ARHGEF28: variants seen among roughly 807,000 people sequenced by gnomAD.
The protein encoded by ARHGEF28 is Rho guanine nucleotide exchange factor 28, also known as 190 kDa guanine nucleotide exchange factor.
In ARHGEF28, 152 loss-of-function variants were observed where a neutral mutation model predicts 206.6. The observed-to-expected ratio is 0.74, with a 90% CI of 0.64 to 0.84. The LOEUF (loss-of-function observed/expected upper bound fraction) is 0.84, where lower values mean the gene tolerates loss of function less well. Ranked by LOEUF, ARHGEF28 falls within the 40% of genes least tolerant of loss-of-function variation. ARHGEF28 has a pLI of 0.00. For synonymous variants in ARHGEF28, 763 were observed against 776.4 expected (o/e 0.98, Z 0.29); for missense variants, 2,028 against 2,073.2 (o/e 0.98, Z 0.42).
intron 21 of ARHGEF28, among the ~76,000 whole-genome samples, chr5:73,872,723 C>G (rs1760182980): frequency 6.6e-6 from 1 of 152,116 alleles, no homozygotes; most frequent in Non-Finnish European, 1.5e-5. Flanking sequence ...TCTAAAGATG[C>G]TAGCTAGTTA....
chr5:73,893,652 A>C (rs1164822254), intron 28 of ARHGEF28, among the ~76,000 whole-genome samples: 1 of 152,166 alleles, frequency 6.6e-6, no homozygotes, highest in Admixed American at 6.5e-5. Context: ...CCCAGTTTGC[A>C]AGTGTGTGAA....
At chr5:73,923,091 C>T in intron 35 of ARHGEF28, 2 of 1,535,528 alleles carry the variant, frequency 1.3e-6, no homozygotes, top group Non-Finnish European at 1.7e-6. Flanking sequence ...ATTCAGGCTC[C>T]AGTATGACAA....
intron 1 of ARHGEF28, among the ~76,000 whole-genome samples, chr5:73,630,568 G>C (rs1743306107): frequency 6.6e-6 from 1 of 152,332 alleles, no homozygotes; most frequent in East Asian, 1.9e-4. Context: ...AAGGGTAGCA[G>C]GTTTTTCAGC....
At chr5:73,858,636 A>G (rs1382917087) in intron 16 of ARHGEF28, among the ~76,000 whole-genome samples, 6 of 152,162 alleles carry the variant, frequency 3.9e-5, no homozygotes, top group Non-Finnish European at 8.8e-5. Flanking sequence ...CTATTTTCAG[A>G]AAACATATAA....
chr5:73,792,932 C>G (rs1222043970), intron 7 of ARHGEF28, among the ~76,000 whole-genome samples: 1 of 152,164 alleles, frequency 6.6e-6, no homozygotes, highest in African/African-American at 2.4e-5. Flanking sequence ...CTGCTGCCAC[C>G]TGGAGGCCTT....
chr5:73,840,458 A>G, intron 10 of ARHGEF28, 22 bp from the exon 11 acceptor site: 1 of 1,605,556 alleles, frequency 6.2e-7, no homozygotes, highest in Non-Finnish European at 8.5e-7. Flanking sequence ...TACTCAGGAA[A>G]TGTTTTTCTT....
intron 1 of ARHGEF28, among the ~76,000 whole-genome samples, chr5:73,659,079 A>G (rs1310601814): frequency 6.6e-6 from 1 of 151,946 alleles, no homozygotes; most frequent in Non-Finnish European, 1.5e-5. Context: ...AACTCTGTAT[A>G]CTGACTGCCT....
At chr5:73,842,001 A>T (rs982720732) in intron 11 of ARHGEF28, among the ~76,000 whole-genome samples, 5 of 152,200 alleles carry the variant, frequency 3.3e-5, no homozygotes, top group Admixed American at 3.3e-4. Flanking sequence ...ATAAAAACTC[A>T]TTGAAATGAT....
chr5:73,727,081 A>G (rs906629115), intron 2 of ARHGEF28, among the ~76,000 whole-genome samples: 1 of 152,168 alleles, frequency 6.6e-6, no homozygotes, highest in African/African-American at 2.4e-5. Flanking sequence ...ATTTTTCTTC[A>G]TTACCTGTCC....
intron 2 of ARHGEF28, among the ~76,000 whole-genome samples, chr5:73,715,920 G>A (rs181547429): frequency 1.2e-3 from 180 of 152,310 alleles, no homozygotes; most frequent in Middle Eastern, 3.4e-3. Flanking sequence ...GCTAATCGGA[G>A]TTCCATCTTC....
In ARHGEF28 at chr5:73,894,583, G is replaced by T. The variant is rs766158515; in HGVS notation, c.3841+8G>T. 6 of 1,612,716 alleles carry T rather than the reference G, an allele frequency of 3.7e-6. No individual in the cohort carries two copies. The highest frequency in any genetic ancestry group is 4.2e-6 in the Non-Finnish European group (5 of 1,179,514). ...CAGCAGCACTGAAAGAAGGTAAACT[G>T]CTGTGAGAAGGGTTTGGGTCGACAC... On this transcript the variant is annotated splice_region_variant and intron_variant, in intron 29 of 35. Coordinates refer to ENST00000513042, the MANE Select transcript of ARHGEF28 (RefSeq NM_001177693.2).
Position 73,752,934 on chromosome 5 carries a change from G to A in ARHGEF28, c.207G>A (p.Thr69=), listed in dbSNP as rs751559164. Residue 69 remains threonine, a synonymous_variant, in exon 4 of 36, where the codon ACG becomes ACA. Coordinates refer to ENST00000513042, the MANE Select transcript of ARHGEF28 (RefSeq NM_001177693.2). ...VPGHGLQETV[T]VSVCLCSEGY... is the part of the protein sequence containing the mutation. Reference sequence around the variant, plus strand: ...GCCATGGGCTTCAGGAGACGGTGACGGTATCTGTGTGCCTCTGCTCGGAAG... The same window carrying A: ...GCCATGGGCTTCAGGAGACGGTGACAGTATCTGTGTGCCTCTGCTCGGAAG... The A allele has an allele frequency of 2.4e-5, 39 of 1,613,718 alleles. No individual in the cohort carries two copies. Among genetic ancestry groups the A allele is most frequent in the Middle Eastern group, 1.6e-4 (1 of 6,078 alleles).
intron 6 of ARHGEF28, among the ~76,000 whole-genome samples, chr5:73,779,573 A>G (rs933277275): frequency 6.6e-6 from 1 of 152,114 alleles, no homozygotes; most frequent in African/African-American, 2.4e-5. Context: ...GGTCAGGGCT[A>G]AGGTTCAGCC....
intron 9 of ARHGEF28, among the ~76,000 whole-genome samples, chr5:73,800,767 A>G (rs528197628): frequency 6.6e-6 from 1 of 152,354 alleles, no homozygotes; most frequent in East Asian, 1.9e-4. Context: ...TCATGACTGT[A>G]GACAAGACCG....
intron 35 of ARHGEF28, among the ~76,000 whole-genome samples, chr5:73,920,535 C>T (rs1383596030): frequency 4.7e-5 from 7 of 147,926 alleles, no homozygotes; most frequent in African/African-American, 9.9e-5. Context: ...CCTATCAACC[C>T]GTCATCTAGG....
chr5:73,644,308 C>T (rs12653896), intron 1 of ARHGEF28, among the ~76,000 whole-genome samples: 14,318 of 152,256 alleles, frequency 0.094, 1,068 homozygotes, highest in East Asian at 0.33. Flanking sequence ...CTGTGGAATT[C>T]TTCCTCACCT....
At chr5:73,750,110 G>C (rs571569066) in intron 3 of ARHGEF28, 126 bp downstream of exon 3, 2 of 1,041,830 alleles carry the variant, frequency 1.9e-6, no homozygotes, top group Non-Finnish European at 2.8e-6. Context: ...GAGTGTGTGC[G>C]TGCCTGTGTG....
rs565149456 is a variant in ARHGEF28, at chr5:73,901,168, G to A, written c.3974-16G>A. On this transcript the variant is annotated splice_polypyrimidine_tract_variant and intron_variant, in intron 30 of 35. Coordinates refer to ENST00000513042, the MANE Select transcript of ARHGEF28 (RefSeq NM_001177693.2). ...ACGCTGTCCTTTTTGTTTCTGTCTC[G>A]ATGGCGTGCTTCCAGCATTAGTCAC... 9.9e-6 allele frequency: 16 copies of A among 1,608,894 alleles called. No individual in the cohort carries two copies. The highest frequency in any genetic ancestry group is 4.5e-5 in the East Asian group (2 of 44,768).
chr5:73,687,030 C>G (rs2112254606), intron 2 of ARHGEF28, among the ~76,000 whole-genome samples: 1 of 152,220 alleles, frequency 6.6e-6, no homozygotes, highest in South Asian at 2.1e-4. Flanking sequence ...CACTGTGCTT[C>G]CTGGCAGATG....
Sources: allele counts gnomAD v4.1 joint callset (sites outside exome capture counted in the v4.1 genomes callset), GRCh38; gene constraint gnomAD v4.1.1; transcripts MANE v1.5; gene names NCBI Gene and HGNC (gene_info 2026-07-23, HGNC 2026-07-21).